CSMD1: variants seen among roughly 807,000 people sequenced by gnomAD.
CSMD1 encodes CUB and sushi domain-containing protein 1.
Under a neutral mutation model 417.5 loss-of-function variants are expected in CSMD1, and 213 were observed. The ratio of observed to expected loss-of-function variants is 0.51; its 90% confidence interval spans 0.46 to 0.57. The LOEUF is 0.57. Ranked by LOEUF, CSMD1 falls within the 20% of genes least tolerant of loss-of-function variation. The pLI is 0.00. For missense variants in CSMD1, 6,923 were observed against 4,529.7 expected (o/e 1.53, Z -15.17); for synonymous variants, 2,862 against 1,736.8 (o/e 1.65, Z -16.11).
At chr8:3,469,032 A>G (rs528030320) in intron 11 of CSMD1, 1 of 400,814 alleles carries the variant, frequency 2.5e-6, no homozygotes, top group Non-Finnish European at 4.4e-6. Flanking sequence ...ACTCTATTCT[A>G]TGGCTGCCAA....
intron 3 of CSMD1, among the ~76,000 whole-genome samples, chr8:4,139,276 T>A (rs912888274): frequency 9.2e-5 from 14 of 152,200 alleles, no homozygotes; most frequent in African/African-American, 3.4e-4. Context: ...AAGTGTTGCA[T>A]AATTGGCACC....
At chr8:3,471,030 T>C (rs1429597751) in intron 11 of CSMD1, among the ~76,000 whole-genome samples, 1 of 152,146 alleles carries the variant, frequency 6.6e-6, no homozygotes, top group African/African-American at 2.4e-5. Flanking sequence ...TTACCTGAGA[T>C]AAAAGCGCAA....
At position 3,349,241 on chromosome 8, in the gene CSMD1, A is replaced by G. The variant is rs200162502; in HGVS notation, c.3305-1080T>C. On this transcript the variant is annotated intron_variant, in intron 21 of 69. Transcript: ENST00000635120. The stretch of plus-strand genomic sequence containing the variant: ...CTCAAGGTACTGCAGAATTTTGCAG[A>G]TGACTTCTGCATGCCCACTGCCACG... Among the ~76,000 whole-genome samples the G allele has an allele frequency of 3.9e-5, 6 of 152,264 alleles. No individual in the cohort carries two copies. The East Asian group carries it at 9.7e-4, about 24-fold the overall frequency.
chr8:3,902,848 A>G (rs1245013569), intron 5 of CSMD1, among the ~76,000 whole-genome samples: 2 of 149,102 alleles, frequency 1.3e-5, no homozygotes, highest in Non-Finnish European at 3.0e-5. Context: ...TGGATACTGA[A>G]TAAATAGTAG....
At chr8:3,775,116 G>C (rs1053327629) in intron 5 of CSMD1, among the ~76,000 whole-genome samples, 1 of 152,174 alleles carries the variant, frequency 6.6e-6, no homozygotes, top group African/African-American at 2.4e-5. Context: ...TTAGACTGCT[G>C]TTGACCGTAG....
intron 1 of CSMD1, among the ~76,000 whole-genome samples, chr8:4,654,686 G>A (rs760361852): frequency 6.6e-6 from 1 of 152,024 alleles, no homozygotes; most frequent in Non-Finnish European, 1.5e-5. Flanking sequence ...GCTTTCCAGT[G>A]GTCTCACACC....
intron 25 of CSMD1, among the ~76,000 whole-genome samples, chr8:3,290,397 A>C (rs1356794576): frequency 6.8e-6 from 1 of 146,638 alleles, no homozygotes; most frequent in Non-Finnish European, 1.5e-5. Context: ...GATGGCATTG[A>C]ATCTATAAGT....
intron 12 of CSMD1, among the ~76,000 whole-genome samples, chr8:3,452,508 TGA>T (rs1201633652): frequency 1.3e-5 from 2 of 152,226 alleles, no homozygotes; most frequent in Non-Finnish European, 2.9e-5. Flanking sequence ...CCTAATTTAC[TGA>T]GAGTTTTTAG....
chr8:4,199,929 A>C (rs1799553896), intron 3 of CSMD1, among the ~76,000 whole-genome samples: 1 of 152,208 alleles, frequency 6.6e-6, no homozygotes, highest in Non-Finnish European at 1.5e-5. Context: ...AAGTACGGTT[A>C]CAAGGAGTTT....
At chr8:4,840,737 G>A (rs912816856) in intron 1 of CSMD1, among the ~76,000 whole-genome samples, 4 of 152,162 alleles carry the variant, frequency 2.6e-5, no homozygotes, top group African/African-American at 7.2e-5. Flanking sequence ...TGGCTTTTCA[G>A]TTTCTCTTTG....
intron 5 of CSMD1, among the ~76,000 whole-genome samples, chr8:3,825,257 T>C (rs139340390): frequency 0.011 from 1,689 of 152,192 alleles, 32 homozygotes; most frequent in African/African-American, 0.038. Context: ...AGGCCGGGTG[T>C]GGTGGCTCAC....
Position 4,849,665 on chromosome 8 carries a change from C to G in CSMD1, c.85+144667G>C, listed in dbSNP as rs371698350. ...ATACTTGATATTGTATTATAGTTGT[C>G]CATATTATTTAGTGCAGTAACATGC... On this transcript the variant is annotated intron_variant, in intron 1 of 69. Transcript: ENST00000635120. Among the ~76,000 whole-genome samples, 17 of 152,180 alleles carry G rather than the reference C, an allele frequency of 1.1e-4. No homozygotes were observed. The South Asian group carries it at 3.3e-3, about 30-fold the overall frequency.
chr8:3,221,383 G>T (rs530381246), intron 28 of CSMD1, among the ~76,000 whole-genome samples: 11 of 152,164 alleles, frequency 7.2e-5, no homozygotes, highest in African/African-American at 2.4e-4. Flanking sequence ...TGTGGGTTAC[G>T]TAGAATTTTA....
intron 2 of CSMD1, among the ~76,000 whole-genome samples, chr8:4,508,846 G>C (rs1034573983): frequency 1.3e-5 from 2 of 151,716 alleles, no homozygotes; most frequent in Admixed American, 6.6e-5. Flanking sequence ...TTTTTTTTTG[G>C]AATGTAAGCT....
chr8:4,266,286 T>C lies in CSMD1; in HGVS notation c.415+153667A>G, dbSNP rs1160662796. ...TACCAAAGAAAATTTTATAAATTTTTGTTTTCTATGTAAGAGAAACTGTCC... is the reference window on the plus strand; with the variant it reads ...TACCAAAGAAAATTTTATAAATTTTCGTTTTCTATGTAAGAGAAACTGTCC... On this transcript the variant is annotated intron_variant, in intron 3 of 69. Transcript: ENST00000635120. Among the ~76,000 whole-genome samples, 4 of 105,650 alleles carry C rather than the reference T, an allele frequency of 3.8e-5. 1 individual carries two copies. In the South Asian group the frequency reaches 1.5e-3, roughly 39 times the overall value. The allele number at this position is 105,650 out of a possible 152,430, so 69.3% of individuals were successfully genotyped here.
intron 5 of CSMD1, among the ~76,000 whole-genome samples, chr8:3,858,520 T>C (rs776484580): frequency 6.6e-6 from 1 of 152,180 alleles, no homozygotes. Context: ...CTACTTAATT[T>C]TGAATAAAAG....
intron 5 of CSMD1, among the ~76,000 whole-genome samples, chr8:3,954,099 G>A (rs1585026310): frequency 6.6e-6 from 1 of 151,894 alleles, no homozygotes; most frequent in African/African-American, 2.4e-5. Flanking sequence ...AGGGGCCTAG[G>A]AACGTGGCCA....
intron 5 of CSMD1, among the ~76,000 whole-genome samples, chr8:3,978,270 C>A (rs1056257693): frequency 3.3e-4 from 50 of 152,156 alleles, no homozygotes; most frequent in African/African-American, 1.2e-3. Context: ...GACATGGGAG[C>A]CTCAGTCACC....
intron 3 of CSMD1, among the ~76,000 whole-genome samples, chr8:4,128,915 A>G (rs1202849041): frequency 1.3e-5 from 2 of 152,044 alleles, no homozygotes; most frequent in Non-Finnish European, 2.9e-5. Context: ...TATTGTTTTA[A>G]GAATTCCTGT....
Sources: gnomAD v4.1 joint callset for allele counts (sites outside exome capture counted in the v4.1 genomes callset) on GRCh38, gnomAD v4.1.1 for gene constraint, MANE v1.5 for transcripts, NCBI Gene and HGNC (gene_info 2026-07-23, HGNC 2026-07-21) for gene names.